The following DLGAP4 variants were observed in gnomAD, a reference collection of about 807,000 sequenced individuals.
The protein encoded by DLGAP4 is disks large-associated protein 4.
DLGAP4 carries 18 observed loss-of-function variants against 86.9 expected under a neutral mutation model. The ratio of observed to expected loss-of-function variants is 0.21; its 90% confidence interval spans 0.14 to 0.31. DLGAP4 has a LOEUF of 0.31. Ranked by LOEUF, DLGAP4 falls within the 10% of genes least tolerant of loss-of-function variation. The pLI is 1.00. For missense variants in DLGAP4, 1,085 were observed against 1,362.6 expected, an observed-to-expected ratio of 0.80 and a Z score of 3.21; for synonymous variants, 548 against 574.3, an observed-to-expected ratio of 0.95 and a Z score of 0.65.
rs574279119 is a variant in DLGAP4, at chr20:36,494,278, C to T, written c.1649-2427C>T. 3.9e-5 allele frequency among the ~76,000 whole-genome samples: 6 copies of T among 152,262 alleles called. No individual in the cohort carries two copies. In the East Asian group the frequency reaches 1.2e-3, roughly 29 times the overall value. On this transcript the variant is annotated intron_variant, in intron 7 of 12. Coordinates refer to ENST00000339266, the MANE Select transcript of DLGAP4 (RefSeq NM_001365621.2). ...AAGGCACAGCATCCAGTTCCCTGGG[C>T]TTAACATCGTGGCATGTGTTACTTT...
chr20:36,399,795 T>C (rs2032102977), intron 2 of DLGAP4, among the ~76,000 whole-genome samples: 1 of 152,204 alleles, frequency 6.6e-6, no homozygotes, highest in Admixed American at 6.5e-5. Flanking sequence ...CCATTAGTTA[T>C]GTCTGCCACA....
chr20:36,458,115 G>A (rs1353766634), intron 7 of DLGAP4, among the ~76,000 whole-genome samples: 1 of 152,106 alleles, frequency 6.6e-6, no homozygotes, highest in Non-Finnish European at 1.5e-5. Flanking sequence ...GTTGGGTCTG[G>A]CCACCGACTG....
At chr20:36,483,555 A>G (rs2035282174) in intron 7 of DLGAP4, among the ~76,000 whole-genome samples, 1 of 152,226 alleles carries the variant, frequency 6.6e-6, no homozygotes, top group Non-Finnish European at 1.5e-5. Flanking sequence ...TGTACAGAGA[A>G]AAAAGGGGAA....
chr20:36,372,133 C>T (rs925006049), intron 2 of DLGAP4, among the ~76,000 whole-genome samples: 3 of 152,174 alleles, frequency 2.0e-5, no homozygotes, highest in African/African-American at 4.8e-5. Flanking sequence ...ATAAGAATAG[C>T]GTCCGAGGGT....
chr20:36,472,385 C>T (rs2661375), intron 7 of DLGAP4, among the ~76,000 whole-genome samples: 7 of 151,348 alleles, frequency 4.6e-5, no homozygotes, highest in African/African-American at 1.7e-4. Context: ...CACCTGTATT[C>T]TTAGCTGCTT....
intron 1 of DLGAP4, among the ~76,000 whole-genome samples, chr20:36,365,992 G>A (rs73905342): frequency 0.019 from 2,896 of 152,260 alleles, 89 homozygotes; most frequent in African/African-American, 0.066. Flanking sequence ...AGAGGGTGGA[G>A]GGTGAGGGGA....
intron 6 of DLGAP4, among the ~76,000 whole-genome samples, chr20:36,443,769 T>C (rs906375404): frequency 3.9e-5 from 6 of 152,080 alleles, no homozygotes; most frequent in African/African-American, 1.4e-4. Context: ...CTCAAGAGCA[T>C]CTTAACCAAC....
At chr20:36,410,327 T>C (rs957559191) in intron 2 of DLGAP4, among the ~76,000 whole-genome samples, 7 of 152,138 alleles carry the variant, frequency 4.6e-5, no homozygotes, top group Non-Finnish European at 7.3e-5. Context: ...GGGGTGTTCA[T>C]TTCCCCAGGG....
chr20:36,447,908 G>A lies in DLGAP4; in HGVS notation c.1648+971G>A, dbSNP rs573222866. On this transcript the variant is annotated intron_variant, in intron 7 of 12. Transcript: ENST00000339266. ...CAGGGCCTATCAGGGGGGTGGGGGG[G>A]GGGGAGACAAGGGGAGGGAGAGCAT... Among the ~76,000 whole-genome samples, 4 of 127,810 alleles carry A rather than the reference G, an allele frequency of 3.1e-5. 1 individual carries two copies. Among genetic ancestry groups the A allele is most frequent in the Admixed American group, 1.6e-4 (2 of 12,724 alleles). 83.8% of individuals were successfully genotyped at this position (127,810 alleles called of 152,430 possible).
At position 36,432,335 on chromosome 20, in the gene DLGAP4, C is replaced by T; in HGVS notation, c.618C>T (p.Ser206=). The change falls in exon 3 of 13, where the codon AGC becomes AGT. Residue 206 remains serine, a synonymous_variant. Coordinates refer to ENST00000339266, the MANE Select transcript of DLGAP4 (RefSeq NM_001365621.2). The surrounding 1 kb of genome is among the most constrained non-coding windows in gnomAD (Gnocchi z 6.5). ...RSRSNISGWW[S]SDDNLDGEAG... is the part of the protein sequence containing the mutation. ...GCTCCAACATCTCAGGCTGGTGGAG[C>T]TCCGATGACAACTTGGACGGCGAGG... The T allele has an allele frequency of 1.9e-6, 3 of 1,613,752 alleles. No individual in the cohort carries two copies. Among genetic ancestry groups the T allele is most frequent in the African/African-American group, 1.3e-5 (1 of 75,078 alleles).
At position 36,419,316 on chromosome 20, in the gene DLGAP4, G is replaced by A. The variant is rs1411371460; in HGVS notation, c.-72-12330G>A. On this transcript the variant is annotated intron_variant, in intron 2 of 12. Transcript: ENST00000339266. Reference sequence around the variant, plus strand: ...TTTCTCATGCTTTATTTTTTGTAGAGATGGGGTCCTCGTTATGTTGCCCAG... The same window carrying A: ...TTTCTCATGCTTTATTTTTTGTAGAAATGGGGTCCTCGTTATGTTGCCCAG... Among the ~76,000 whole-genome samples the A allele has an allele frequency of 2.6e-5, 4 of 151,734 alleles. No homozygotes were observed. In the East Asian group the frequency reaches 5.8e-4, roughly 22 times the overall value.
chr20:36,432,423 C>T lies in DLGAP4; in HGVS notation c.706C>T (p.Arg236Cys), dbSNP rs745723024. The change falls in exon 3 of 13, where the codon CGC becomes TGC. Residue 236 changes from arginine (R) to cysteine (C), a missense_variant. Coordinates refer to ENST00000339266, the MANE Select transcript of DLGAP4 (RefSeq NM_001365621.2). The surrounding 1 kb of genome is among the most constrained non-coding windows in gnomAD (Gnocchi z 6.5). ...GATGACACTAGGCCGCCAGGCAGAA[C>T]GCAGCCAGCCACGCTACTTCATGCA... ...GLMTLGRQAE[R>C]SQPRYFMHAY... 29 of 1,613,588 alleles carry T rather than the reference C, an allele frequency of 1.8e-5. 1 individual carries two copies. The South Asian group carries it at 2.6e-4, about 15-fold the overall frequency.
At chr20:36,414,258 C>T (rs756570180) in intron 2 of DLGAP4, among the ~76,000 whole-genome samples, 3 of 152,164 alleles carry the variant, frequency 2.0e-5, no homozygotes, top group Non-Finnish European at 4.4e-5. Context: ...TCCATCCAGA[C>T]CCTGCTGGAA....
intron 2 of DLGAP4, among the ~76,000 whole-genome samples, chr20:36,374,738 C>T (rs904218711): frequency 2.0e-5 from 3 of 152,226 alleles, no homozygotes; most frequent in African/African-American, 7.2e-5. Flanking sequence ...TCCTGAGATG[C>T]CCAGCCACTG....
chr20:36,474,667 A>G (rs1387812102), intron 7 of DLGAP4, among the ~76,000 whole-genome samples: 1 of 151,682 alleles, frequency 6.6e-6, no homozygotes, highest in Non-Finnish European at 1.5e-5. Flanking sequence ...GACATCACCC[A>G]GTAAAGGTAG....
chr20:36,467,742 A>G (rs1309421261), intron 7 of DLGAP4, among the ~76,000 whole-genome samples: 1 of 152,140 alleles, frequency 6.6e-6, no homozygotes, highest in African/African-American at 2.4e-5. Context: ...CCAGAAGGGA[A>G]AATGTTGGGT....
intron 6 of DLGAP4, among the ~76,000 whole-genome samples, chr20:36,443,020 C>G (rs753598491): frequency 2.4e-4 from 36 of 152,204 alleles, no homozygotes; most frequent in Admixed American, 9.2e-4. Flanking sequence ...GAAGAATGAG[C>G]TAGGTGCTCT....
chr20:36,339,216 T>A (rs1198932922), intron 1 of DLGAP4, among the ~76,000 whole-genome samples: 1 of 151,714 alleles, frequency 6.6e-6, no homozygotes, highest in African/African-American at 2.4e-5. Context: ...GCCTCCCAAG[T>A]AGCTGGGACT....
chr20:36,320,167 C>CCT (rs1555890396), intron 1 of DLGAP4, among the ~76,000 whole-genome samples: 32 of 105,518 alleles, frequency 3.0e-4, no homozygotes, highest in African/African-American at 9.9e-4. Flanking sequence ...GTCTTTCTCT[C>CCT]CCAGGCCCCC....
Sources: allele counts gnomAD v4.1 joint callset (sites outside exome capture counted in the v4.1 genomes callset), GRCh38; gene constraint gnomAD v4.1.1; non-coding constraint Gnocchi (gnomAD v3.1); transcripts MANE v1.5; gene names NCBI Gene and HGNC (gene_info 2026-07-23, HGNC 2026-07-21).